LAMA1: variants seen among roughly 807,000 people sequenced by gnomAD.
The protein encoded by LAMA1 is laminin subunit alpha-1.
A neutral mutation model predicts 348.7 loss-of-function variants in LAMA1; 219 were observed. The observed-to-expected ratio is 0.63, with a 90% CI of 0.56 to 0.70. The LOEUF (loss-of-function observed/expected upper bound fraction) is 0.70. Among genes scored for constraint, LAMA1 ranks in the 30% least tolerant of loss-of-function variants. The pLI is 0.00. For missense variants in LAMA1, 3,744 were observed against 3,888.0 expected, an observed-to-expected ratio of 0.96 and a Z score of 0.99; for synonymous variants, 1,487 against 1,491.0, an observed-to-expected ratio of 1.00 and a Z score of 0.06.
At chr18:7,117,200 G>A (rs1004218816) in intron 1 of LAMA1, among the ~76,000 whole-genome samples, 12 of 152,118 alleles carry the variant, frequency 7.9e-5, no homozygotes, top group African/African-American at 2.9e-4. Context: ...TGCGCAGCCG[G>A]ACAATGAGGG....
intron 1 of LAMA1, among the ~76,000 whole-genome samples, chr18:7,088,049 G>T (rs2058224670): frequency 6.6e-6 from 1 of 152,136 alleles, no homozygotes; most frequent in African/African-American, 2.4e-5. Flanking sequence ...AGAAGAAGTG[G>T]GTTGGCCTTT....
At chr18:7,009,518 C>T (rs1278007685) in intron 26 of LAMA1, 152 bp from the exon 27 acceptor site, 3 of 801,542 alleles carry the variant, frequency 3.7e-6, no homozygotes, top group South Asian at 3.2e-5. Context: ...CCTCCTGAAA[C>T]CTCCATGGAC....
intron 3 of LAMA1, among the ~76,000 whole-genome samples, chr18:7,078,703 C>T (rs1336645067): frequency 1.3e-5 from 2 of 152,002 alleles, no homozygotes; most frequent in South Asian, 2.1e-4. Flanking sequence ...AAATCCTGCA[C>T]ATTTGGCCAG....
chr18:7,090,456 G>T (rs1361585265), intron 1 of LAMA1, among the ~76,000 whole-genome samples: 1 of 152,060 alleles, frequency 6.6e-6, no homozygotes, highest in Non-Finnish European at 1.5e-5. Flanking sequence ...AGCTCTTTCA[G>T]CTTGATGCAG....
intron 51 of LAMA1, among the ~76,000 whole-genome samples, chr18:6,963,534 G>C (rs926363766): frequency 6.6e-6 from 1 of 152,218 alleles, no homozygotes; most frequent in African/African-American, 2.4e-5. Flanking sequence ...GCACAGTGGA[G>C]AAGTGGCTCT....
At position 7,013,830 on chromosome 18, in the gene LAMA1, C is replaced by T. The variant is rs764989664; in HGVS notation, c.3348G>A (p.Gly1116=). Residue 1116 remains glycine, a synonymous_variant, in exon 23 of 63, where the codon GGG becomes GGA. Transcript: ENST00000389658. ...QGLCGCVEET[G]ACPCKENVFG... ...TGGTAAATACCTTGCAAGGGCAGGC[C>T]CCGGTTTCCTCCACACAGCCGCAGA... 5.0e-6 allele frequency: 8 copies of T among 1,611,320 alleles called. No homozygotes were observed. Among genetic ancestry groups the T allele is most frequent in the Admixed American group, 3.3e-5 (2 of 59,712 alleles).
Position 6,956,651 on chromosome 18 carries a change from C to G in LAMA1, c.8079G>C (p.Glu2693Asp), listed in dbSNP as rs765313522. Residue 2693 changes from glutamate (E) to aspartate (D), a missense_variant, in exon 56 of 63, where the codon GAG (glutamate) becomes GAC (aspartate). Glu to Asp is a conservative substitution (Grantham distance 45). Coordinates refer to ENST00000389658, the MANE Select transcript of LAMA1 (RefSeq NM_005559.4). ...PDAEDSKLLP[E>D]PRAFPEQCVV... is the part of the protein sequence containing the mutation. ...CCGCTCCTACTGGAAAAGCCCGGGG[C>G]TCTGGCAAGAGCTTGCTGTCCTCTG... 6.2e-7 allele frequency: 1 copy of G among 1,614,046 alleles called. No homozygotes were observed. Among genetic ancestry groups the G allele is most frequent in the African/African-American group, 1.3e-5 (1 of 74,932 alleles).
At chr18:6,985,437 T>C (rs1406256102) in intron 38 of LAMA1, 37 bp from the exon 39 acceptor site, 1 of 1,606,738 alleles carries the variant, frequency 6.2e-7, no homozygotes, top group Non-Finnish European at 8.5e-7. Flanking sequence ...TATATGCACA[T>C]CTACTTAATA....
chr18:6,992,424 A>C, intron 36 of LAMA1, 137 bp downstream of exon 36: 3 of 909,240 alleles, frequency 3.3e-6, no homozygotes, highest in Non-Finnish European at 5.4e-6. Flanking sequence ...ACTTGACCAC[A>C]GGGCCCCTTC....
intron 32 of LAMA1, 133 bp downstream of exon 32, chr18:6,999,312 T>C: frequency 5.4e-6 from 5 of 922,852 alleles, no homozygotes; most frequent in African/African-American, 1.6e-5. Context: ...TGATCTATGC[T>C]TAGAAAATAA....
At chr18:7,037,173 C>G (rs1039694088) in intron 12 of LAMA1, among the ~76,000 whole-genome samples, 2 of 152,218 alleles carry the variant, frequency 1.3e-5, no homozygotes, top group African/African-American at 4.8e-5. Flanking sequence ...ATTGCTGGAA[C>G]CTTCCCTGGG....
Position 6,949,225 on chromosome 18 carries a change from A to C in LAMA1, c.8432T>G (p.Ile2811Arg). ...KTDYVKRKGF[I>R]TVDGRESPMV... ...GGGAGACTCTCGGCCGTCGACAGTTATGAAGCCTTTTCTTTTAACATAGTC... is the reference window on the plus strand; with the variant it reads ...GGGAGACTCTCGGCCGTCGACAGTTCTGAAGCCTTTTCTTTTAACATAGTC... Residue 2811 changes from isoleucine to arginine, a missense_variant, in exon 59 of 63, where the codon ATA becomes AGA. Physicochemically the swap from Ile to Arg is moderately conservative, Grantham distance 97. Transcript: ENST00000389658. 6.2e-7 allele frequency: 1 copy of C among 1,614,248 alleles called. No individual in the cohort carries two copies. Among genetic ancestry groups the C allele is most frequent in the Non-Finnish European group, 8.5e-7 (1 of 1,180,040 alleles).
chr18:6,958,716 A>T, intron 54 of LAMA1, 54 bp from the exon 55 acceptor site: 1 of 1,450,158 alleles, frequency 6.9e-7, no homozygotes, highest in Non-Finnish European at 9.7e-7. Context: ...ATGAAATAAT[A>T]ATTCCATTTT....
chr18:7,045,324 G>T (rs2058037484), intron 6 of LAMA1, among the ~76,000 whole-genome samples: 1 of 152,032 alleles, frequency 6.6e-6, no homozygotes, highest in Non-Finnish European at 1.5e-5. Context: ...CAAAAAATTA[G>T]CTGGGCATGG....
At chr18:7,049,350 A>T in intron 4 of LAMA1, 93 bp from the exon 5 acceptor site, 1 of 1,159,266 alleles carries the variant, frequency 8.6e-7, no homozygotes, top group South Asian at 1.3e-5. Context: ...TCCAGGCTGG[A>T]GTGCAGTGGC....
chr18:6,944,158 G>A (rs180861778), intron 61 of LAMA1, among the ~76,000 whole-genome samples: 1 of 152,094 alleles, frequency 6.6e-6, no homozygotes, highest in Non-Finnish European at 1.5e-5. Flanking sequence ...TGGGATTACA[G>A]GCATCCACCA....
intron 42 of LAMA1, among the ~76,000 whole-genome samples, chr18:6,979,866 T>C (rs971360818): frequency 2.4e-4 from 36 of 152,186 alleles, no homozygotes; most frequent in African/African-American, 7.2e-4. Context: ...GCCACTGCAC[T>C]CCAGCCTGGG....
Position 7,011,457 on chromosome 18 carries a change from G to A in LAMA1, c.3530C>T (p.Pro1177Leu), listed in dbSNP as rs1280459161. 1.2e-6 allele frequency: 2 copies of A among 1,606,978 alleles called. No homozygotes were observed. Among genetic ancestry groups the A allele is most frequent in the East Asian group, 2.2e-5 (1 of 44,714 alleles). Residue 1177 changes from proline (P) to leucine (L), a missense_variant, in exon 25 of 63, where the codon CCT (proline) becomes CTT (leucine). Transcript: ENST00000389658. ...RTPVTLGSDQ[P>L]LLRVVSQSNL... ...ACTCTGAGAAACCACACGCAGAAGA[G>A]GCTGATCGGAGCCCAGCGTTACCTA...
Position 6,976,096 on chromosome 18 carries a change from GA to G in LAMA1, c.6346-17del, listed in dbSNP as rs1568014590. The G allele has an allele frequency of 6.2e-7, 1 of 1,613,956 alleles. No individual in the cohort carries two copies. The highest frequency in any genetic ancestry group is 8.5e-7 in the Non-Finnish European group (1 of 1,179,854). ...CGACTTTAATCTGTAGAAGGAAAAT[GA>G]AAGTGTCCCCATCATTTAGTGACAC... is the stretch of plus-strand genomic sequence containing the variant. On this transcript the variant is annotated splice_polypyrimidine_tract_variant and intron_variant, in intron 44 of 62. Transcript: ENST00000389658.
Sources: allele counts gnomAD v4.1 joint callset (sites outside exome capture counted in the v4.1 genomes callset), GRCh38; gene constraint gnomAD v4.1.1; transcripts MANE v1.5; gene names NCBI Gene and HGNC (gene_info 2026-07-23, HGNC 2026-07-21).